SLC30A9: variants seen among roughly 807,000 people sequenced by gnomAD.
SLC30A9 encodes the protein solute carrier family 30 member 9.
SLC30A9 carries 58 observed loss-of-function variants against 87.5 expected under a neutral mutation model. The observed-to-expected ratio is 0.66, with a 90% CI of 0.54 to 0.82. The LOEUF (loss-of-function observed/expected upper bound fraction) is 0.82. SLC30A9 is among the 40% of genes least tolerant of loss of function. The probability of loss-of-function intolerance (pLI) is 0.00; values close to 1 mark genes in which losing one functional copy is unlikely to be tolerated. For missense variants in SLC30A9, 557 were observed against 679.1 expected (o/e 0.82, Z 2.00); for synonymous variants, 234 against 233.0 (o/e 1.00, Z -0.04).
chr4:41,992,865 C>G (rs1280700810), intron 1 of SLC30A9, among the ~76,000 whole-genome samples: 1 of 151,984 alleles, frequency 6.6e-6, no homozygotes, highest in Non-Finnish European at 1.5e-5. Flanking sequence ...ATTTGAAGAA[C>G]TTTTGGAGAA....
chr4:41,992,321 A>G (rs958901199), intron 1 of SLC30A9, among the ~76,000 whole-genome samples: 1 of 151,754 alleles, frequency 6.6e-6, no homozygotes, highest in Non-Finnish European at 1.5e-5. Flanking sequence ...AGCCTGGGTG[A>G]CAGAGTGAGA....
chr4:42,067,665 C>T (rs910971418), intron 14 of SLC30A9, among the ~76,000 whole-genome samples: 1 of 152,206 alleles, frequency 6.6e-6, no homozygotes, highest in African/African-American at 2.4e-5. Context: ...CAATTCCTAA[C>T]TGGAGCTACC....
chr4:42,001,504 T>C, intron 1 of SLC30A9, 112 bp from the exon 2 acceptor site: 1 of 537,476 alleles, frequency 1.9e-6, no homozygotes, highest in Non-Finnish European at 3.3e-6. Flanking sequence ...TACAAAATGG[T>C]ATTTCATGTG....
intron 17 of SLC30A9, among the ~76,000 whole-genome samples, chr4:42,083,858 C>A (rs1382607986): frequency 6.6e-6 from 1 of 151,976 alleles, no homozygotes; most frequent in African/African-American, 2.4e-5. Context: ...AAAGTGTGCC[C>A]TCCTTGTTAA....
intron 6 of SLC30A9, among the ~76,000 whole-genome samples, chr4:42,025,888 C>T (rs572307956): frequency 1.3e-5 from 2 of 152,162 alleles, no homozygotes; most frequent in East Asian, 1.9e-4. Context: ...CTCCTGACCT[C>T]GTCATCCGCC....
Position 42,043,752 on chromosome 4 carries a change from CA to C in SLC30A9, c.737+4701del, listed in dbSNP as rs534106265. Reference sequence around the variant, plus strand: ...AGACAGTCCTCGAGAAGAGCAACCTCAAGTCACATAATCATCAGATTCACCA... The same window carrying C: ...AGACAGTCCTCGAGAAGAGCAACCTCAGTCACATAATCATCAGATTCACCA... On this transcript the variant is annotated intron_variant, in intron 8 of 17. Transcript: ENST00000264451. Among the ~76,000 whole-genome samples, 16 of 152,210 alleles carry C rather than the reference CA, an allele frequency of 1.1e-4. No homozygotes were observed. The East Asian group carries it at 3.1e-3, about 29-fold the overall frequency.
intron 17 of SLC30A9, among the ~76,000 whole-genome samples, chr4:42,081,274 A>G (rs1051665818): frequency 1.3e-5 from 2 of 152,170 alleles, no homozygotes; most frequent in Admixed American, 6.5e-5. Context: ...TATATTTGCT[A>G]TTTCATGAAA....
Position 42,063,716 on chromosome 4 carries a change from G to C in SLC30A9, c.1032+595G>C, listed in dbSNP as rs143910436. Among the ~76,000 whole-genome samples the C allele has an allele frequency of 2.9e-4, 44 of 152,236 alleles. No individual in the cohort carries two copies. The East Asian group carries it at 7.3e-3, about 25-fold the overall frequency. On this transcript the variant is annotated intron_variant, in intron 11 of 17. Transcript: ENST00000264451. Reference sequence around the variant, plus strand: ...CTGACTACAGTGTTATTTTGCATTGGTTTCCTCTGGCCTTTGTAGATGTTT... The same window carrying C: ...CTGACTACAGTGTTATTTTGCATTGCTTTCCTCTGGCCTTTGTAGATGTTT...
chr4:42,070,132 A>C (rs1315585010), intron 14 of SLC30A9: 1 of 156,052 alleles, frequency 6.4e-6, no homozygotes, highest in Non-Finnish European at 1.4e-5. Context: ...GATACGGAAA[A>C]AGGTTTCTTT....
In SLC30A9 at chr4:42,011,836, G is replaced by T. The variant is rs1190430629; in HGVS notation, c.275-6275G>T. ...AAACCAGAGCAAATAATTAGGAAAAGGAGACAATTAGAAATCTTAGAAATG... is the reference window on the plus strand; with the variant it reads ...AAACCAGAGCAAATAATTAGGAAAATGAGACAATTAGAAATCTTAGAAATG... On this transcript the variant is annotated intron_variant, in intron 2 of 17. Transcript: ENST00000264451. Among the ~76,000 whole-genome samples the T allele has an allele frequency of 4.6e-5, 7 of 152,266 alleles. No homozygotes were observed. The South Asian group carries it at 8.3e-4, about 18-fold the overall frequency.
At chr4:42,061,917 G>A (rs554771953) in intron 10 of SLC30A9, among the ~76,000 whole-genome samples, 16 of 149,700 alleles carry the variant, frequency 1.1e-4, no homozygotes, top group African/African-American at 3.2e-4. Flanking sequence ...AAAAAATGTC[G>A]GGCGCGGTGG....
chr4:42,050,490 T>G (rs1341017017), intron 9 of SLC30A9, among the ~76,000 whole-genome samples: 1 of 152,192 alleles, frequency 6.6e-6, no homozygotes, highest in East Asian at 1.9e-4. Flanking sequence ...GTTATTAGTT[T>G]CAATATTAGT....
intron 2 of SLC30A9, among the ~76,000 whole-genome samples, chr4:42,008,226 C>A (rs888197005): frequency 1.3e-5 from 2 of 152,162 alleles, no homozygotes; most frequent in Non-Finnish European, 2.9e-5. Flanking sequence ...CTCTTCTGGT[C>A]ATTCATATCT....
intron 6 of SLC30A9, chr4:42,029,899 ATT>A: frequency 1.4e-6 from 1 of 710,552 alleles, no homozygotes; most frequent in South Asian, 1.4e-5. Flanking sequence ...AATGTGGAGT[ATT>A]TTGGACTGGG....
At chr4:42,020,559 T>C in intron 4 of SLC30A9, 44 bp downstream of exon 4, 1 of 1,069,200 alleles carries the variant, frequency 9.4e-7, no homozygotes, top group East Asian at 2.5e-5. Context: ...ATCTAAATAA[T>C]CTAAATAACT....
Position 42,070,677 on chromosome 4 carries a change from T to C in SLC30A9, c.1404T>C (p.Asn468=). Residue 468 remains asparagine (N), a synonymous_variant, in exon 15 of 18, where the codon AAT becomes AAC. Transcript: ENST00000264451. The part of the protein sequence containing the change: ...QVQRLTELLE[N]DPSVRAIHDV... ...AACGGCTCACTGAACTCCTGGAGAA[T>C]GACCCATCAGTAAGGTCAGCCTTAT... is the stretch of plus-strand genomic sequence containing the variant. 6.2e-7 allele frequency: 1 copy of C among 1,613,602 alleles called. No individual in the cohort carries two copies. Among genetic ancestry groups the C allele is most frequent in the South Asian group, 1.1e-5 (1 of 90,940 alleles).
chr4:42,027,097 T>TAGC (rs1441802917), intron 6 of SLC30A9, among the ~76,000 whole-genome samples: 2 of 152,184 alleles, frequency 1.3e-5, no homozygotes, highest in African/African-American at 2.4e-5. Flanking sequence ...TAGCCAGAGT[T>TAGC]GGCTAACTAT....
At chr4:42,040,972 C>CT (rs1716899893) in intron 8 of SLC30A9, among the ~76,000 whole-genome samples, 1 of 152,084 alleles carries the variant, frequency 6.6e-6, no homozygotes, top group Admixed American at 6.6e-5. Flanking sequence ...TTTAATTGGA[C>CT]TTACAGTTCC....
intron 8 of SLC30A9, among the ~76,000 whole-genome samples, chr4:42,044,434 A>G (rs1717057666): frequency 1.3e-5 from 2 of 151,966 alleles, no homozygotes. Context: ...CTCTGACAAA[A>G]AAGATTTTAA....
Sources: allele counts gnomAD v4.1 joint callset (sites outside exome capture counted in the v4.1 genomes callset), GRCh38; gene constraint gnomAD v4.1.1; transcripts MANE v1.5; gene names NCBI Gene and HGNC (gene_info 2026-07-23, HGNC 2026-07-21).